The following SDK1 variants were observed in gnomAD, a reference collection of about 807,000 sequenced individuals.
SDK1 encodes the protein protein sidekick-1.
SDK1 carries 157 observed loss-of-function variants against 245.5 expected under a neutral mutation model. The observed-to-expected ratio is 0.64, with a 90% CI of 0.56 to 0.73. The LOEUF is 0.73. SDK1 is among the 30% of genes least tolerant of loss of function. The pLI, the probability that SDK1 is intolerant of heterozygous loss-of-function variation, is 0.00. For synonymous variants in SDK1, 1,647 were observed against 1,278.5 expected (o/e 1.29, Z -6.15); for missense variants, 3,583 against 3,002.3 (o/e 1.19, Z -4.52).
chr7:3,555,096 G>A (rs773070207), intron 1 of SDK1, among the ~76,000 whole-genome samples: 3 of 151,928 alleles, frequency 2.0e-5, no homozygotes, highest in African/African-American at 4.8e-5. Context: ...AAATTTAAAT[G>A]GAACCACAAA....
In SDK1 at chr7:3,737,343, G is replaced by A. The variant is rs1375795117; in HGVS notation, c.714-84107G>A. On this transcript the variant is annotated intron_variant, in intron 4 of 44. Transcript: ENST00000404826. ...GTGCTCTGCCGCTAGGCAGTGCTGT[G>A]GTCTGAACTCTGTGCCCTGGGTGGT... Among the ~76,000 whole-genome samples, 9 of 152,226 alleles carry A rather than the reference G, an allele frequency of 5.9e-5. No homozygotes were observed. The East Asian group carries it at 1.5e-3, about 26-fold the overall frequency.
In SDK1 at chr7:3,590,300, C is replaced by CTTTTTTTT. The variant is rs200303832; in HGVS notation, c.299-28766_299-28759dup. Among the ~76,000 whole-genome samples the CTTTTTTTT allele has an allele frequency of 5.3e-3, 509 of 96,146 alleles. 1 individual carries two copies. Among genetic ancestry groups the CTTTTTTTT allele is most frequent in the East Asian group, 7.7e-3 (23 of 2,992 alleles). 63.1% of individuals were successfully genotyped at this position (96,146 alleles called of 152,430 possible). Reference sequence around the variant, plus strand: ...TCAACTTTCACCTCCTTTCCTGTTCCTTTTTTTTTTTTTTTTTTTTTGCTT... The same window carrying CTTTTTTTT: ...TCAACTTTCACCTCCTTTCCTGTTCCTTTTTTTTTTTTTTTTTTTTTTTTTTTTTGCTT... On this transcript the variant is annotated intron_variant, in intron 1 of 44. Transcript: ENST00000404826.
intron 4 of SDK1, among the ~76,000 whole-genome samples, chr7:3,674,340 G>A (rs1029670490): frequency 2.6e-5 from 4 of 152,112 alleles, no homozygotes; most frequent in South Asian, 2.1e-4. Context: ...TCTACCCCAC[G>A]TCCAAGTCCA....
At chr7:3,395,936 T>C (rs1256875725) in intron 1 of SDK1, among the ~76,000 whole-genome samples, 2 of 151,864 alleles carry the variant, frequency 1.3e-5, no homozygotes, top group Non-Finnish European at 1.5e-5. Flanking sequence ...CTCTGTTGTT[T>C]TTCTGTTTTA....
chr7:3,553,567 A>T (rs562878246), intron 1 of SDK1, among the ~76,000 whole-genome samples: 2 of 152,268 alleles, frequency 1.3e-5, no homozygotes, highest in South Asian at 4.2e-4. Context: ...AGCAACCGAG[A>T]TAGTCCAGGG....
intron 19 of SDK1, among the ~76,000 whole-genome samples, chr7:4,054,190 C>T (rs1380358837): frequency 6.6e-6 from 1 of 152,192 alleles, no homozygotes; most frequent in Non-Finnish European, 1.5e-5. Context: ...ATCCGCACAC[C>T]TCAGCCTCCC....
At chr7:3,958,087 C>A in intron 7 of SDK1, 1 of 449,438 alleles carries the variant, frequency 2.2e-6, no homozygotes, top group South Asian at 1.6e-5. Context: ...GCATGCCAAG[C>A]TATCTTATCC....
rs141067189 is a variant in SDK1 at position 3,822,740 on chromosome 7, C to A, written c.847+1157C>A. On this transcript the variant is annotated intron_variant, in intron 5 of 44. Coordinates refer to ENST00000404826, the MANE Select transcript of SDK1 (RefSeq NM_152744.4). The stretch of plus-strand genomic sequence containing the variant: ...CTGAGATCATGCCATTACACTCCAG[C>A]CTGGGCAGAAAGAATGAAATTCCAT... Among the ~76,000 whole-genome samples the A allele has an allele frequency of 1.1e-3, 164 of 151,290 alleles. 4 individuals carry two copies. The East Asian group carries it at 0.023, about 21-fold the overall frequency.
chr7:3,542,631 T>A (rs1438994267), intron 1 of SDK1, among the ~76,000 whole-genome samples: 1 of 152,230 alleles, frequency 6.6e-6, no homozygotes, highest in Admixed American at 6.5e-5. Context: ...ATAAAAATGT[T>A]TTAAAATGTT....
Position 4,267,440 on chromosome 7 carries a change from C to T in SDK1, c.*2056C>T, listed in dbSNP as rs1464030810. On this transcript the variant is annotated 3_prime_UTR_variant, in exon 45 of 45. Transcript: ENST00000404826. ...AGCCACTTCTGCATGAGAATCGCAA[C>T]CCACAGTTCCCCGGATGAGACTCAC... 1 of 985,466 alleles carries T rather than the reference C, an allele frequency of 1.0e-6. No homozygotes were observed. The highest frequency in any genetic ancestry group is 1.2e-6 in the Non-Finnish European group (1 of 829,958). 61.0% of individuals were successfully genotyped at this position (985,466 alleles called of 1,614,324 possible). A position where few individuals can be genotyped will look rare whatever the true frequency, so the allele number is the denominator to read the frequency against.
intron 4 of SDK1, among the ~76,000 whole-genome samples, chr7:3,740,372 A>C (rs1394234013): frequency 6.6e-6 from 1 of 152,032 alleles, no homozygotes; most frequent in Non-Finnish European, 1.5e-5. Flanking sequence ...CAGTTTTTCC[A>C]TTTAAGGTTT....
chr7:4,002,304 A>G (rs200322406), intron 14 of SDK1, among the ~76,000 whole-genome samples: 1 of 152,182 alleles, frequency 6.6e-6, no homozygotes, highest in Non-Finnish European at 1.5e-5. Flanking sequence ...CACCCCAAGC[A>G]GTTTAACTGC....
rs866475536 is a variant in SDK1 at position 4,174,242 on chromosome 7, G to A, written c.4821G>A (p.Leu1607=). 3 of 1,614,106 alleles carry A rather than the reference G, an allele frequency of 1.9e-6. No individual in the cohort carries two copies. The highest frequency in any genetic ancestry group is 2.5e-6 in the Non-Finnish European group (3 of 1,179,976). ...TGCAGCCTCCGAGGGACGAAAGCCT[G>A]AATGGCCTTCTTCAGGGATACAGGA... is the stretch of plus-strand genomic sequence containing the variant. The part of the protein sequence containing the change: ...IQWQPPRDES[L]NGLLQGYRIY... The change falls in exon 33 of 45, where the codon CTG becomes CTA. Residue 1607 remains leucine (L), a synonymous_variant. Coordinates refer to ENST00000404826, the MANE Select transcript of SDK1 (RefSeq NM_152744.4).
intron 1 of SDK1, chr7:3,338,091 G>C: frequency 5.4e-6 from 1 of 186,286 alleles, no homozygotes; most frequent in Non-Finnish European, 1.1e-5. Flanking sequence ...AGGGCCTTTT[G>C]GCTGGAACCA....
At chr7:3,785,199 G>A (rs192726067) in intron 4 of SDK1, among the ~76,000 whole-genome samples, 19 of 152,098 alleles carry the variant, frequency 1.2e-4, no homozygotes, top group African/African-American at 4.6e-4. Context: ...AGGCTGGAGG[G>A]TGGGGGGAAT....
intron 1 of SDK1, among the ~76,000 whole-genome samples, chr7:3,490,704 C>T (rs2128604973): frequency 6.6e-6 from 1 of 152,264 alleles, no homozygotes; most frequent in African/African-American, 2.4e-5. Flanking sequence ...AATCCACATC[C>T]TTAAATGAGG....
rs542983325 is a variant in SDK1 at position 3,685,773 on chromosome 7, G to C, written c.713+43668G>C. On this transcript the variant is annotated intron_variant, in intron 4 of 44. Transcript: ENST00000404826. ...CCACTAAGAAAACTATCCAAAATGA[G>C]ATACAGAAAAACGTTAGAAATAAAT... Among the ~76,000 whole-genome samples, 28 of 151,972 alleles carry C rather than the reference G, an allele frequency of 1.8e-4. No individual in the cohort carries two copies. In the South Asian group the frequency reaches 5.0e-3, roughly 27 times the overall value.
Position 3,849,662 on chromosome 7 carries a change from T to C in SDK1, c.847+28079T>C, listed in dbSNP as rs1780371299. On this transcript the variant is annotated intron_variant, in intron 5 of 44. Coordinates refer to ENST00000404826, the MANE Select transcript of SDK1 (RefSeq NM_152744.4). Reference sequence around the variant, plus strand: ...TTAGAGCAGGCCAGAGAATTCATTTTGATGGATGATTCTTAGAGGGCGGCG... The same window carrying C: ...TTAGAGCAGGCCAGAGAATTCATTTCGATGGATGATTCTTAGAGGGCGGCG... 2.6e-5 allele frequency among the ~76,000 whole-genome samples: 4 copies of C among 152,228 alleles called. No homozygotes were observed. In the South Asian group the frequency reaches 8.3e-4, roughly 31 times the overall value.
intron 1 of SDK1, among the ~76,000 whole-genome samples, chr7:3,460,016 T>A (rs539183626): frequency 6.6e-6 from 1 of 152,340 alleles, no homozygotes; most frequent in East Asian, 1.9e-4. Flanking sequence ...CATTTTAAAA[T>A]TAAGTGATTT....
Sources: gnomAD v4.1 joint callset for allele counts (sites outside exome capture counted in the v4.1 genomes callset) on GRCh38, gnomAD v4.1.1 for gene constraint, MANE v1.5 for transcripts, NCBI Gene and HGNC (gene_info 2026-07-23, HGNC 2026-07-21) for gene names.